The following TTN variants were observed in gnomAD, a reference collection of about 807,000 sequenced individuals.
TTN encodes the protein connectin.
A neutral mutation model predicts 3,223.0 loss-of-function variants in TTN; 1,525 were observed. That is an observed-to-expected ratio of 0.47 (90% CI 0.45 to 0.49). TTN has a LOEUF of 0.49. TTN is among the 20% of genes least tolerant of loss of function. TTN has a pLI of 0.00. For missense variants in TTN, 40,786 were observed against 43,424.0 expected, an observed-to-expected ratio of 0.94 and a Z score of 5.40; for synonymous variants, 14,094 against 15,161.0, an observed-to-expected ratio of 0.93 and a Z score of 5.17.
chr2:178,590,805 T>C lies in TTN; in HGVS notation c.60920A>G (p.Tyr20307Cys). 1 of 1,607,446 alleles carries C rather than the reference T, an allele frequency of 6.2e-7. No homozygotes were observed. The highest frequency in any genetic ancestry group is 8.5e-7 in the Non-Finnish European group (1 of 1,174,706). Residue 20307 changes from tyrosine (Y) to cysteine (C), a missense_variant, in exon 304 of 363, where the codon TAT (tyrosine) becomes TGT (cysteine). Coordinates refer to ENST00000589042, the MANE Select transcript of TTN (RefSeq NM_001267550.2). Reference protein sequence around the residue: ...SDGGSPITGYYMERREVTGKW... With the variant: ...SDGGSPITGYCMERREVTGKW... ...GCCAGTTACTTCTCGACGTTCCATA[T>C]AGTAGCCAGTTATTGGACTGCCACC...
chr2:178,557,193 C>T (rs368713412), intron 329 of TTN, 49 bp from the exon 330 acceptor site: 121 of 1,612,326 alleles, frequency 7.5e-5, no homozygotes, highest in Non-Finnish European at 9.5e-5. Flanking sequence ...TATTTTGCTT[C>T]GCAGAAGTAA....
intron 329 of TTN, 35 bp from the exon 330 acceptor site, chr2:178,557,179 A>G (rs750537005): frequency 1.2e-6 from 2 of 1,612,574 alleles, no homozygotes; most frequent in Non-Finnish European, 1.7e-6. Flanking sequence ...AGCGGCACTT[A>G]TAATATTTTG....
At chr2:178,684,592 C>T (rs536364596) in intron 131 of TTN, 74 bp downstream of exon 131, 1 of 1,496,952 alleles carries the variant, frequency 6.7e-7, no homozygotes, top group Non-Finnish European at 9.1e-7. Flanking sequence ...ACAGTATGAC[C>T]CAAAGAACAG....
At position 178,683,210 on chromosome 2, in the gene TTN, C is replaced by A. The variant is rs546105899; in HGVS notation, c.32887+1G>T. ...CATTACTTAATCAAAGTTCAATATA[C>A]CTTTGATGGGTTGAGGTTCTCTTTT... is the stretch of plus-strand genomic sequence containing the variant. On this transcript the variant is annotated splice_donor_variant, in intron 134 of 362. Transcript: ENST00000589042. LOFTEE classifies it high-confidence loss of function. 2.9e-5 allele frequency: 44 copies of A among 1,539,768 alleles called. No individual in the cohort carries two copies. The South Asian group carries it at 3.8e-4, about 13-fold the overall frequency.
Position 178,777,013 on chromosome 2 carries a change from G to A in TTN, c.4851C>T (p.Ile1617=), listed in dbSNP as rs756286153. 3.7e-6 allele frequency: 6 copies of A among 1,613,902 alleles called. No individual in the cohort carries two copies. Among genetic ancestry groups the A allele is most frequent in the East Asian group, 4.5e-5 (2 of 44,868 alleles). ...EGTKGEAALK[I]DSTVSQDSAW... is the part of the protein sequence containing the mutation. ...CAGAATCTTGGCTGACAGTGGAATC[G>A]ATTTTAAGGGCAGCTTCTCCCTTGG... The change falls in exon 28 of 363, where the codon ATC becomes ATT. Residue 1617 remains isoleucine (I), a synonymous_variant. Coordinates refer to ENST00000589042, the MANE Select transcript of TTN (RefSeq NM_001267550.2).
intron 240 of TTN, among the ~76,000 whole-genome samples, chr2:178,626,288 G>A (rs2059039210): frequency 6.6e-6 from 1 of 152,018 alleles, no homozygotes; most frequent in Non-Finnish European, 1.5e-5. Context: ...AACTGCAAAT[G>A]AAAGTTGGAC....
rs1346570947 is a variant in TTN, at chr2:178,732,564, G to A, written c.16497C>T (p.Thr5499=). The change falls in exon 56 of 363, where the codon ACC becomes ACT. Residue 5499 remains threonine (T), a synonymous_variant. Coordinates refer to ENST00000589042, the MANE Select transcript of TTN (RefSeq NM_001267550.2). ...ELVSGGSCYI[T]KEALESSLEL... ...CCAGGGAACTCTCTAAAGCTTCTTTGGTAATATAGCAGCTTCCACCAGAAA... is the reference window on the plus strand; with the variant it reads ...CCAGGGAACTCTCTAAAGCTTCTTTAGTAATATAGCAGCTTCCACCAGAAA... The A allele has an allele frequency of 2.5e-6, 4 of 1,613,634 alleles. No homozygotes were observed. The East Asian group carries it at 8.9e-5, about 36-fold the overall frequency.
chr2:178,679,538 A>C, intron 141 of TTN, 61 bp downstream of exon 141: 3 of 1,587,770 alleles, frequency 1.9e-6, no homozygotes, highest in South Asian at 1.2e-5. Flanking sequence ...ACTCAGAAGA[A>C]AGTTAACTAT....
intron 98 of TTN, 33 bp from the exon 99 acceptor site, chr2:178,709,889 A>G (rs776134660): frequency 1.3e-6 from 2 of 1,562,036 alleles, no homozygotes; most frequent in South Asian, 2.4e-5. Context: ...ATGAAGTAGA[A>G]GCTAGAAGCA....
chr2:178,546,652 T>C lies in TTN; in HGVS notation c.94776A>G (p.Val31592=). The change falls in exon 341 of 363, where the codon GTA becomes GTG. Residue 31592 remains valine, a synonymous_variant. Transcript: ENST00000589042. ...FRVLAKNAAG[V]ISKGSESTGP... ...CTGTAGATTCAGACCCTTTGCTAAT[T>C]ACGCCTGCTGCATTCTTGGCTAACA... 2 of 1,613,732 alleles carry C rather than the reference T, an allele frequency of 1.2e-6. No homozygotes were observed. The highest frequency in any genetic ancestry group is 1.7e-6 in the Non-Finnish European group (2 of 1,179,708).
rs1486346584 is a variant in TTN, at chr2:178,563,865, C to T, written c.82267G>A (p.Glu27423Lys). Residue 27423 changes from glutamate to lysine, a missense_variant, in exon 326 of 363, where the codon GAG becomes AAG. Physicochemically the swap from Glu to Lys is moderately conservative, Grantham distance 56 (BLOSUM62 1). Transcript: ENST00000589042. This position sits in a 1 kb window ranked among gnomAD's most constrained non-coding sequence, Gnocchi z 4.5. ...SRLSWTQVST[E>K]VQALNYKVTK... ...ACTTTGTAGTTAAGGGCCTGTACCT[C>T]AGTTGAAACCTGGGTCCAAGAGAGT... 1.9e-6 allele frequency: 3 copies of T among 1,613,640 alleles called. No homozygotes were observed. Among genetic ancestry groups the T allele is most frequent in the Non-Finnish European group, 2.5e-6 (3 of 1,179,764 alleles).
intron 208 of TTN, 101 bp from the exon 209 acceptor site, chr2:178,650,935 T>A: frequency 8.0e-7 from 1 of 1,253,168 alleles, no homozygotes; most frequent in Non-Finnish European, 1.1e-6. Flanking sequence ...CAGGGACAGA[T>A]CCAAGAACAA....
intron 47 of TTN, chr2:178,748,601 T>C: frequency 1.9e-6 from 3 of 1,613,126 alleles, no homozygotes; most frequent in South Asian, 2.2e-5. Flanking sequence ...AAAATAAGCT[T>C]CTTCTGGTTG....
At chr2:178,581,851 G>C (rs773989081) in intron 315 of TTN, 47 bp from the exon 316 acceptor site, 5 of 1,601,722 alleles carry the variant, frequency 3.1e-6, no homozygotes, top group South Asian at 1.1e-5. Flanking sequence ...CTTCCTTCCT[G>C]GGTGTTTAAT....
intron 182 of TTN, 89 bp downstream of exon 182, chr2:178,658,916 A>C (rs1176237692): frequency 3.2e-6 from 2 of 628,810 alleles, no homozygotes; most frequent in African/African-American, 3.9e-5. Context: ...GAATTATATC[A>C]TCTTTATGTA....
rs575255002 is a variant in TTN, at chr2:178,635,916, C to A, written c.41608+47G>T. On this transcript the variant is annotated intron_variant, in intron 226 of 362. Coordinates refer to ENST00000589042, the MANE Select transcript of TTN (RefSeq NM_001267550.2). Reference sequence around the variant, plus strand: ...GAAACGAGGTCCTTTCTTCCATTTTCTTAGTGTAACAATAAGCAGAACGAA... The same window carrying A: ...GAAACGAGGTCCTTTCTTCCATTTTATTAGTGTAACAATAAGCAGAACGAA... 84 of 1,537,448 alleles carry A rather than the reference C, an allele frequency of 5.5e-5. No homozygotes were observed. The Admixed American group carries it at 1.0e-3, about 19-fold the overall frequency.
Position 178,539,548 on chromosome 2 carries a change from A to G in TTN, c.98517T>C (p.Pro32839=), listed in dbSNP as rs1482927715. The part of the protein sequence containing the change: ...LGYILERREV[P]KAAWYTIDSR... ...AATCAATGGTATACCAGGCGGCTTT[A>G]GGCACTTCTCGTCTCTCGAGGATGT... Residue 32839 remains proline, a synonymous_variant, in exon 352 of 363, where the codon CCT becomes CCC. Transcript: ENST00000589042. The G allele has an allele frequency of 6.2e-7, 1 of 1,613,788 alleles. No homozygotes were observed.
rs1689452294 is a variant in TTN at position 178,532,246 on chromosome 2, A to G, written c.104369T>C (p.Leu34790Pro). Residue 34790 changes from leucine (L) to proline (P), a missense_variant, in exon 358 of 363, where the codon CTT (leucine) becomes CCT (proline). Physicochemically the swap from Leu to Pro is moderately conservative, Grantham distance 98. Coordinates refer to ENST00000589042, the MANE Select transcript of TTN (RefSeq NM_001267550.2). ...TQHLSEYKSE[L>P]DFMSKEEKSR... ...CTTTTCCTCCTTTGACATGAAGTCAAGTTCGCTTTTGTATTCTGAGAGATG... is the reference window on the plus strand; with the variant it reads ...CTTTTCCTCCTTTGACATGAAGTCAGGTTCGCTTTTGTATTCTGAGAGATG... The G allele has an allele frequency of 1.2e-6, 2 of 1,613,690 alleles. No homozygotes were observed. The highest frequency in any genetic ancestry group is 1.6e-4 in the Middle Eastern group (1 of 6,062).
At chr2:178,619,558 CTG>C in intron 250 of TTN, 61 bp downstream of exon 250, 13 of 1,576,268 alleles carry the variant, frequency 8.2e-6, no homozygotes, top group Non-Finnish European at 1.0e-5. Flanking sequence ...CATTAAATAA[CTG>C]TGAAATCTGA....
Sources: gnomAD v4.1 joint callset for allele counts (sites outside exome capture counted in the v4.1 genomes callset) on GRCh38, gnomAD v4.1.1 for gene constraint, Gnocchi (gnomAD v3.1) non-coding constraint, MANE v1.5 for transcripts, NCBI Gene and HGNC (gene_info 2026-07-23, HGNC 2026-07-21) for gene names.